PARP6: variants seen among roughly 807,000 people sequenced by gnomAD.
The protein encoded by PARP6 is protein mono-ADP-ribosyltransferase PARP6.
In PARP6, 27 loss-of-function variants were observed where a neutral mutation model predicts 92.0. The observed-to-expected ratio is 0.29, with a 90% confidence interval of 0.22 to 0.40. The LOEUF (loss-of-function observed/expected upper bound fraction) is 0.40. Ranked by LOEUF, PARP6 falls within the 10% of genes least tolerant of loss-of-function variation. The pLI is 1.00. For missense variants in PARP6, 501 were observed against 784.5 expected (o/e 0.64, Z 4.32); for synonymous variants, 272 against 281.2 (o/e 0.97, Z 0.33).
intron 2 of PARP6, among the ~76,000 whole-genome samples, chr15:72,269,158 T>C (rs992673324): frequency 1.3e-5 from 2 of 151,952 alleles, no homozygotes; most frequent in Non-Finnish European, 2.9e-5. Context: ...ACAGTTCTTC[T>C]TCTTCTTCTT....
At position 72,250,088 on chromosome 15, in the gene PARP6, AC is replaced by A; in HGVS notation, c.1422del (p.Ser475ProfsTer35). 1 of 1,605,938 alleles carries A rather than the reference AC, an allele frequency of 6.2e-7. No homozygotes were observed. The highest frequency in any genetic ancestry group is 8.5e-7 in the Non-Finnish European group (1 of 1,172,562). On this transcript the variant is annotated frameshift_variant, in exon 19 of 24. Transcript: ENST00000569795. LOFTEE classifies it high-confidence loss of function. ...KLYGSTFAFH[G>X]SHIENWHSIL... ...ATCGAATGCCAGTTCTCAATGTGGG[AC>A]CCACTGTAAGGCAGGGTAGAATACA...
At chr15:72,262,630 A>G (rs553282840) in intron 8 of PARP6, among the ~76,000 whole-genome samples, 1 of 152,056 alleles carries the variant, frequency 6.6e-6, no homozygotes, top group East Asian at 1.9e-4. Flanking sequence ...CTCACCTCCA[A>G]ACTTTCTGTA....
chr15:72,253,872 A>G (rs1567191511), intron 15 of PARP6: 1 of 455,762 alleles, frequency 2.2e-6, no homozygotes, highest in East Asian at 6.5e-5. Context: ...CCTCCTGACA[A>G]GTAAATCATT....
chr15:72,267,454 A>C (rs1296451349), intron 3 of PARP6, 21 bp downstream of exon 3: 2 of 1,612,954 alleles, frequency 1.2e-6, no homozygotes, highest in African/African-American at 2.7e-5. Flanking sequence ...TCAGTTGGAG[A>C]GGTGGGCAGT....
intron 14 of PARP6, among the ~76,000 whole-genome samples, chr15:72,256,262 C>T (rs534599785): frequency 6.6e-6 from 1 of 152,236 alleles, no homozygotes; most frequent in Non-Finnish European, 1.5e-5. Context: ...AGCCCTTTTT[C>T]CCTATCATAA....
rs762414877 is a variant in PARP6 at position 72,265,962 on chromosome 15, G to A, written c.111C>T (p.His37=). Residue 37 remains histidine, a synonymous_variant, in exon 5 of 24, where the codon CAC becomes CAT. Transcript: ENST00000569795. ...CTTCAATGTCTGCATCAAGCTGTGG[G>A]TGTCGATACAGGTCAGCTGCACAGC... ...QGSCAADLYR[H]PQLDADIEAV... is the part of the protein sequence containing the mutation. 3 of 1,613,932 alleles carry A rather than the reference G, an allele frequency of 1.9e-6. No homozygotes were observed. The Admixed American group carries it at 5.0e-5, about 27-fold the overall frequency.
chr15:72,251,606 C>G (rs1162966461), intron 16 of PARP6, among the ~76,000 whole-genome samples: 1 of 151,964 alleles, frequency 6.6e-6, no homozygotes, highest in African/African-American at 2.4e-5. Context: ...AAAGAAAAAA[C>G]AGCAAGAGGT....
Position 72,242,775 on chromosome 15 carries a change from G to A in PARP6, c.1562-76C>T. ...CCTACTATGTCCCAGCACTGAGCTA[G>A]ATGCTCATCAAAACAGCAGAGAATA... On this transcript the variant is annotated intron_variant, in intron 20 of 23. Coordinates refer to ENST00000569795, the MANE Select transcript of PARP6 (RefSeq NM_001323532.2). The surrounding 1 kb of genome is among the most constrained non-coding windows in gnomAD (Gnocchi z 4.3). 1 of 817,922 alleles carries A rather than the reference G, an allele frequency of 1.2e-6. No individual in the cohort carries two copies. Among genetic ancestry groups the A allele is most frequent in the Non-Finnish European group, 2.0e-6 (1 of 497,152 alleles). 50.7% of individuals were successfully genotyped at this position (817,922 alleles called of 1,614,324 possible).
rs2084138216 is a variant in PARP6, at chr15:72,250,015, C to T, written c.1491+5G>A. ...GAAATAAAGGAGAAAGGGGCACAGC[C>T]TCACCTGCAGTTTGGTGTAGGATGC... On this transcript the variant is annotated splice_donor_5th_base_variant and intron_variant, in intron 19 of 23. Coordinates refer to ENST00000569795, the MANE Select transcript of PARP6 (RefSeq NM_001323532.2). 6.3e-7 allele frequency: 1 copy of T among 1,584,024 alleles called. No homozygotes were observed. Among genetic ancestry groups the T allele is most frequent in the South Asian group, 1.1e-5 (1 of 90,544 alleles).
At position 72,265,125 on chromosome 15, in the gene PARP6, A is replaced by C. The variant is rs917906780; in HGVS notation, c.284T>G (p.Val95Gly). 1 of 1,613,880 alleles carries C rather than the reference A, an allele frequency of 6.2e-7. No individual in the cohort carries two copies. The highest frequency in any genetic ancestry group is 1.7e-5 in the Admixed American group (1 of 60,014). ...GGAGAGAGAAAATCGCAGCCTCAAC[A>C]CAATAGGTTCTGTCCGGAGGACCTT... ...AWKVLRTEPI[V>G]LRLRFSLSQY... The change falls in exon 7 of 24, where the codon GTG becomes GGG. Residue 95 changes from valine (V) to glycine (G), a missense_variant. This residue lies in a region of PARP6 where 291 missense variants were observed against 352.0 expected (regional missense o/e 0.83). Transcript: ENST00000569795.
intron 13 of PARP6, 22 bp from the exon 14 acceptor site, chr15:72,256,612 C>G: frequency 6.6e-7 from 1 of 1,505,142 alleles, no homozygotes; most frequent in Non-Finnish European, 8.9e-7. Flanking sequence ...GGAAAAAAAA[C>G]AGGGCAGAAG....
chr15:72,253,856 A>G (rs2084696221), intron 15 of PARP6: 1 of 469,550 alleles, frequency 2.1e-6, no homozygotes, highest in Non-Finnish European at 4.2e-6. Context: ...AAATAATGCA[A>G]AGCGTCCTCC....
rs1199117043 is a variant in PARP6 at position 72,241,697 on chromosome 15, T to C, written c.1791-140A>G. 7.7e-6 allele frequency: 6 copies of C among 776,612 alleles called. No individual in the cohort carries two copies. Among genetic ancestry groups the C allele is most frequent in the Non-Finnish European group, 1.3e-5 (6 of 464,528 alleles). The allele number at this position is 776,612 out of a possible 1,614,324, so 48.1% of individuals were successfully genotyped here. ...TCTCACTGCTTCATAGTGGAAGATA[T>C]TCAGCTTATCTGGTTTCCTCTAGAT... On this transcript the variant is annotated intron_variant, in intron 23 of 23. Coordinates refer to ENST00000569795, the MANE Select transcript of PARP6 (RefSeq NM_001323532.2). The surrounding 1 kb of genome is among the most constrained non-coding windows in gnomAD (Gnocchi z 4.1).
chr15:72,265,355 A>G (rs1276342580), intron 6 of PARP6, 58 bp downstream of exon 6: 6 of 1,440,476 alleles, frequency 4.2e-6, no homozygotes, highest in South Asian at 3.4e-5. Flanking sequence ...CCTGGCCTAC[A>G]TGACAAATTC....
rs2084027872 is a variant in PARP6 at position 72,249,286 on chromosome 15, A to G, written c.1520T>C (p.Ile507Thr). The G allele has an allele frequency of 3.7e-6, 6 of 1,603,606 alleles. No homozygotes were observed. Among genetic ancestry groups the G allele is most frequent in the Non-Finnish European group, 5.1e-6 (6 of 1,171,936 alleles). The change falls in exon 20 of 24, where the codon ATC (isoleucine) becomes ACC (threonine). Residue 507 changes from isoleucine to threonine, a missense_variant. Physicochemically the swap from Ile to Thr is moderately conservative, Grantham distance 89 (BLOSUM62 -1). Coordinates refer to ENST00000569795, the MANE Select transcript of PARP6 (RefSeq NM_001323532.2). ...QLHGAAYGKG[I>T]YLSPISSISF... The stretch of plus-strand genomic sequence containing the variant: ...AATACTGGAGATGGGGCTCAGGTAG[A>G]TGCCTTTGCCATAGGCTGCTCCATG...
chr15:72,259,550 G>A, intron 11 of PARP6, 58 bp downstream of exon 11: 6 of 1,460,492 alleles, frequency 4.1e-6, no homozygotes, highest in Non-Finnish European at 5.8e-6. Context: ...GGTGTTAGGA[G>A]ACCAAATGGG....
chr15:72,241,403 G>A lies in PARP6; in HGVS notation c.*52C>T. On this transcript the variant is annotated 3_prime_UTR_variant, in exon 24 of 24. Transcript: ENST00000569795. This position sits in a 1 kb window ranked among gnomAD's most constrained non-coding sequence, Gnocchi z 4.1. ...AGCTGCTGTACCTGAACACTTTTAT[G>A]AGGGCAGATGGATCCTGGGGTAACA... 8 of 1,275,704 alleles carry A rather than the reference G, an allele frequency of 6.3e-6. No homozygotes were observed. Among genetic ancestry groups the A allele is most frequent in the Non-Finnish European group, 9.2e-6 (8 of 872,860 alleles). 79.0% of individuals were successfully genotyped at this position (1,275,704 alleles called of 1,614,324 possible).
At chr15:72,261,529 A>G (rs2085892821) in intron 9 of PARP6, 29 bp downstream of exon 9, 1 of 1,608,030 alleles carries the variant, frequency 6.2e-7, no homozygotes. Context: ...CAAGGTGTTT[A>G]CAGATGATCA....
chr15:72,241,566 G>T lies in PARP6; in HGVS notation c.1791-9C>A, dbSNP rs368963144. ...CCTGACCATCCTCATATCTGCCAAA[G>T]ATAGGGCAAGTGTGAGCATAAGAGG... On this transcript the variant is annotated splice_polypyrimidine_tract_variant and intron_variant, in intron 23 of 23. Transcript: ENST00000569795. The surrounding 1 kb of genome is among the most constrained non-coding windows in gnomAD (Gnocchi z 4.1). 16 of 1,590,800 alleles carry T rather than the reference G, an allele frequency of 1.0e-5. No individual in the cohort carries two copies. Among genetic ancestry groups the T allele is most frequent in the Non-Finnish European group, 1.4e-5 (16 of 1,158,738 alleles).
Sources: gnomAD v4.1 joint callset for allele counts (sites outside exome capture counted in the v4.1 genomes callset) on GRCh38, gnomAD v4.1.1 for gene constraint, gnomAD v4.1.1 regional missense constraint, Gnocchi (gnomAD v3.1) non-coding constraint, MANE v1.5 for transcripts, NCBI Gene and HGNC (gene_info 2026-07-23, HGNC 2026-07-21) for gene names.